Variants in TRIP11 observed in about 807,000 individuals in gnomAD.
TRIP11 encodes thyroid hormone receptor interactor 11.
Under a neutral mutation model 223.1 loss-of-function variants are expected in TRIP11, and 148 were observed. That is an observed-to-expected ratio of 0.66 (90% CI 0.58 to 0.76). The LOEUF (loss-of-function observed/expected upper bound fraction) is 0.76, where lower values mean the gene tolerates loss of function less well. Among genes scored for constraint, TRIP11 ranks in the 30% least tolerant of loss-of-function variants. The pLI, the probability that TRIP11 is intolerant of heterozygous loss-of-function variation, is 0.00. For missense variants in TRIP11, 2,043 were observed against 2,222.0 expected (o/e 0.92, Z 1.62); for synonymous variants, 762 against 772.6 (o/e 0.99, Z 0.23).
At chr14:92,035,621 A>G (rs1276809548) in intron 1 of TRIP11, among the ~76,000 whole-genome samples, 1 of 148,738 alleles carries the variant, frequency 6.7e-6, no homozygotes, top group Non-Finnish European at 1.5e-5. Flanking sequence ...TCTGTCGCCC[A>G]GGCTGGAGTG....
At chr14:91,983,784 C>A (rs1347656181) in intron 16 of TRIP11, among the ~76,000 whole-genome samples, 1 of 152,078 alleles carries the variant, frequency 6.6e-6, no homozygotes, top group Non-Finnish European at 1.5e-5. Flanking sequence ...GGTAACAAAG[C>A]GTCTGGGAAT....
At chr14:92,001,027 A>C (rs2056819291) in intron 11 of TRIP11, among the ~76,000 whole-genome samples, 1 of 151,716 alleles carries the variant, frequency 6.6e-6, no homozygotes, top group African/African-American at 2.4e-5. Flanking sequence ...CGTCTGGCTA[A>C]TTTTTGTATT....
At position 92,010,995 on chromosome 14, in the gene TRIP11, A is replaced by C; in HGVS notation, c.1305T>G (p.Ser435Arg). ...EVLEKEKSLLSQEKEELQMSL... is the reference protein window; with the variant it reads ...EVLEKEKSLLRQEKEELQMSL... ...TTTTTACAGCACCCACCTTTTCTTG[A>C]CTCAGTAATGACTTCTCTTTTTCTA... Residue 435 changes from serine (S) to arginine (R), a missense_variant, in exon 9 of 21, where the codon AGT becomes AGG. Ser to Arg is a moderately radical substitution (Grantham distance 110). Transcript: ENST00000267622. 1 of 1,613,734 alleles carries C rather than the reference A, an allele frequency of 6.2e-7. No homozygotes were observed. Among genetic ancestry groups the C allele is most frequent in the Non-Finnish European group, 8.5e-7 (1 of 1,179,922 alleles).
intron 16 of TRIP11, among the ~76,000 whole-genome samples, chr14:91,979,969 T>G (rs1327590814): frequency 6.6e-6 from 1 of 151,304 alleles, no homozygotes; most frequent in Non-Finnish European, 1.5e-5. Flanking sequence ...CCAAAATAAT[T>G]TTTTGGAAGT....
chr14:92,017,267 C>T (rs1052910724), intron 5 of TRIP11, among the ~76,000 whole-genome samples: 6 of 152,046 alleles, frequency 3.9e-5, no homozygotes, highest in African/African-American at 1.2e-4. Context: ...ATGGACCAGG[C>T]GCGTTGGCTC....
At chr14:92,015,218 G>A (rs985335935) in intron 6 of TRIP11, among the ~76,000 whole-genome samples, 4 of 152,246 alleles carry the variant, frequency 2.6e-5, no homozygotes, top group African/African-American at 9.6e-5. Context: ...AATCTTAAAA[G>A]CAGAGGTGCC....
Position 92,014,265 on chromosome 14 carries a change from G to A in TRIP11, c.1136C>T (p.Ala379Val), listed in dbSNP as rs2057008912. The A allele has an allele frequency of 1.2e-6, 2 of 1,614,006 alleles. No individual in the cohort carries two copies. Among genetic ancestry groups the A allele is most frequent in the Non-Finnish European group, 1.7e-6 (2 of 1,179,990 alleles). The change falls in exon 7 of 21, where the codon GCC (alanine) becomes GTC (valine). Residue 379 changes from alanine to valine, a missense_variant. Coordinates refer to ENST00000267622, the MANE Select transcript of TRIP11 (RefSeq NM_004239.4). Reference protein sequence around the residue: ...DTMTEKERILAQSASVEEVFR... With the variant: ...DTMTEKERILVQSASVEEVFR... ...CACTTCTTCCACTGATGCACTCTGG[G>A]CAAGAATTCTTTCCTTTTCTGTCAT...
chr14:92,019,828 C>T (rs2057086991), intron 4 of TRIP11, among the ~76,000 whole-genome samples: 1 of 152,126 alleles, frequency 6.6e-6, no homozygotes, highest in African/African-American at 2.4e-5. Context: ...GGTTCACACA[C>T]AAGTTATATA....
chr14:92,035,782 T>C (rs150629130), intron 1 of TRIP11, among the ~76,000 whole-genome samples: 2,004 of 152,162 alleles, frequency 0.013, 30 homozygotes, highest in African/African-American at 0.045. Flanking sequence ...GGTTTCACCA[T>C]GTTGGCCAGG....
rs2057230210 is a variant in TRIP11 at position 92,029,280 on chromosome 14, A to ATTATTTTT, written c.202-3861_202-3860insAAAAATAA. On this transcript the variant is annotated intron_variant, in intron 2 of 20. Transcript: ENST00000267622. ...TTCTGACTGCATTGCCCAAAGTATT[A>ATTATTTTT]TTTTTTTTTTTTTTTTTTTTTTTTT... Among the ~76,000 whole-genome samples, 14 of 76,762 alleles carry ATTATTTTT rather than the reference A, an allele frequency of 1.8e-4. 1 individual carries two copies. The highest frequency in any genetic ancestry group is 8.1e-4 in the African/African-American group (14 of 17,256). The allele number at this position is 76,762 out of a possible 152,430, so 50.4% of individuals were successfully genotyped here. A position where few individuals can be genotyped will look rare whatever the true frequency, so the allele number is the denominator to read the frequency against.
intron 16 of TRIP11, 68 bp downstream of exon 16, chr14:91,988,216 G>T: frequency 7.7e-7 from 1 of 1,292,210 alleles, no homozygotes; most frequent in Non-Finnish European, 1.1e-6. Context: ...GCCAATTTAT[G>T]ACAGAAGACT....
chr14:92,010,961 C>T, intron 9 of TRIP11, 25 bp downstream of exon 9: 1 of 1,607,574 alleles, frequency 6.2e-7, no homozygotes, highest in Non-Finnish European at 8.5e-7. Context: ...CATTTTAATT[C>T]TGCCCCCATT....
At chr14:91,985,636 T>C (rs1210440347) in intron 16 of TRIP11, among the ~76,000 whole-genome samples, 1 of 152,230 alleles carries the variant, frequency 6.6e-6, no homozygotes, top group Non-Finnish European at 1.5e-5. Flanking sequence ...TACAGATGCT[T>C]AGAAGTAACC....
intron 16 of TRIP11, among the ~76,000 whole-genome samples, chr14:91,982,314 T>C (rs1014541733): frequency 6.6e-6 from 1 of 152,234 alleles, no homozygotes; most frequent in Non-Finnish European, 1.5e-5. Context: ...TATGAGTGGT[T>C]ATATACTTGT....
chr14:92,017,721 A>G lies in TRIP11; in HGVS notation c.618T>C (p.Ser206=), dbSNP rs200485291. The G allele has an allele frequency of 9.9e-6, 16 of 1,612,956 alleles. No homozygotes were observed. Among genetic ancestry groups the G allele is most frequent in the Non-Finnish European group, 1.3e-5 (15 of 1,179,382 alleles). ...GTAGTTTACATATTTCACTTTGATC[A>G]GAGTTATCTGTTCCTTGTGCTTTGG... ...QTSKAQGTDN[S]DQSEICKLQN... Residue 206 remains serine (S), a synonymous_variant, in exon 5 of 21, where the codon TCT becomes TCC. Coordinates refer to ENST00000267622, the MANE Select transcript of TRIP11 (RefSeq NM_004239.4).
intron 2 of TRIP11, among the ~76,000 whole-genome samples, chr14:92,027,363 T>C (rs2057203006): frequency 6.6e-6 from 1 of 152,142 alleles, no homozygotes; most frequent in Non-Finnish European, 1.5e-5. Flanking sequence ...AGCATTCCAA[T>C]AACTTTTTTG....
intron 2 of TRIP11, among the ~76,000 whole-genome samples, chr14:92,032,558 G>T (rs994259457): frequency 6.6e-6 from 1 of 152,216 alleles, no homozygotes; most frequent in Admixed American, 6.5e-5. Flanking sequence ...TACTTAGCTG[G>T]GCGTGGTGGC....
chr14:91,977,491 A>G (rs1933864863), intron 16 of TRIP11, among the ~76,000 whole-genome samples: 1 of 150,792 alleles, frequency 6.6e-6, no homozygotes, highest in Non-Finnish European at 1.5e-5. Flanking sequence ...CCAGCATTAT[A>G]TGGTGAAGAA....
rs1324784162 is a variant in TRIP11 at position 92,005,061 on chromosome 14, A to G, written c.2915T>C (p.Ile972Thr). The G allele has an allele frequency of 5.0e-6, 8 of 1,613,820 alleles. No individual in the cohort carries two copies. In the Admixed American group the frequency reaches 6.7e-5, roughly 13 times the overall value. Residue 972 changes from isoleucine to threonine, a missense_variant, in exon 11 of 21, where the codon ATT becomes ACT. By Grantham distance (89) the Ile-to-Thr change is moderately conservative. Coordinates refer to ENST00000267622, the MANE Select transcript of TRIP11 (RefSeq NM_004239.4). Reference protein sequence around the residue: ...DEEIKSLQKTIEQIKTQLHEE... With the variant: ...DEEIKSLQKTTEQIKTQLHEE... ...ATGCAACTGGGTTTTGATTTGTTCA[A>G]TTGTTTTTTGCAAACTCTTAATTTC...
Sources: gnomAD v4.1 joint callset for allele counts (sites outside exome capture counted in the v4.1 genomes callset) on GRCh38, gnomAD v4.1.1 for gene constraint, MANE v1.5 for transcripts, NCBI Gene and HGNC (gene_info 2026-07-23, HGNC 2026-07-21) for gene names.